EYS: variants seen among roughly 807,000 people sequenced by gnomAD.
EYS encodes protein eyes shut homolog.
In EYS, 250 loss-of-function variants were observed where a neutral mutation model predicts 282.1. The observed-to-expected ratio is 0.89, with a 90% CI of 0.80 to 0.98. The LOEUF (loss-of-function observed/expected upper bound fraction) is 0.98. EYS is among the 50% of genes least tolerant of loss of function. The pLI is 0.00. For synonymous variants in EYS, 1,355 were observed against 1,282.9 expected, an observed-to-expected ratio of 1.06 and a Z score of -1.20; for missense variants, 4,016 against 3,709.0, an observed-to-expected ratio of 1.08 and a Z score of -2.15.
At chr6:65,160,160 C>T (rs553326886) in intron 12 of EYS, among the ~76,000 whole-genome samples, 1 of 150,908 alleles carries the variant, frequency 6.6e-6, no homozygotes, top group South Asian at 2.1e-4. Flanking sequence ...TTTATGAAAG[C>T]TAACTATGGT....
intron 2 of EYS, among the ~76,000 whole-genome samples, chr6:65,513,088 T>C (rs1278175522): frequency 6.6e-6 from 1 of 151,846 alleles, no homozygotes; most frequent in East Asian, 1.9e-4. Flanking sequence ...ATAGATGCAA[T>C]AAAAAAGGAT....
At chr6:64,106,654 G>A (rs1773022835) in intron 31 of EYS, among the ~76,000 whole-genome samples, 1 of 151,900 alleles carries the variant, frequency 6.6e-6, no homozygotes, top group Admixed American at 6.6e-5. Context: ...GTCTGTGTGT[G>A]TGTTTTTGGC....
intron 12 of EYS, among the ~76,000 whole-genome samples, chr6:65,096,921 T>G (rs1191249822): frequency 6.6e-6 from 1 of 150,870 alleles, no homozygotes; most frequent in Non-Finnish European, 1.5e-5. Context: ...GAGGAAAAGC[T>G]CTTGACATTG....
At chr6:64,318,233 T>C (rs934787335) in intron 29 of EYS, among the ~76,000 whole-genome samples, 5 of 152,094 alleles carry the variant, frequency 3.3e-5, no homozygotes, top group African/African-American at 1.2e-4. Context: ...CTTACATTTC[T>C]AAATATATCT....
intron 29 of EYS, among the ~76,000 whole-genome samples, chr6:64,313,542 G>A (rs1769814409): frequency 6.6e-6 from 1 of 152,014 alleles, no homozygotes; most frequent in Admixed American, 6.5e-5. Context: ...ACACCACAAA[G>A]ATACTCCTCG....
intron 2 of EYS, among the ~76,000 whole-genome samples, chr6:65,579,290 T>C (rs1929338): frequency 0.22 from 33,774 of 152,020 alleles, 3,879 homozygotes; most frequent in East Asian, 0.31. Flanking sequence ...GGCAGCTTTA[T>C]AGACATTGAA....
intron 19 of EYS, among the ~76,000 whole-genome samples, chr6:64,832,114 A>T: frequency 6.6e-6 from 1 of 151,918 alleles, no homozygotes; most frequent in East Asian, 1.9e-4. Context: ...ATACATAATT[A>T]CTTATTATTT....
intron 30 of EYS, among the ~76,000 whole-genome samples, chr6:64,270,634 C>T (rs897279823): frequency 2.2e-4 from 33 of 152,050 alleles, no homozygotes; most frequent in Admixed American, 2.2e-3. Flanking sequence ...GATTATAGAA[C>T]TTGTAATAGC....
intron 11 of EYS, among the ~76,000 whole-genome samples, chr6:65,309,352 C>A (rs1769094421): frequency 1.3e-5 from 2 of 152,046 alleles, no homozygotes. Flanking sequence ...AATTCAAAAC[C>A]AACACTATAG....
At chr6:63,776,488 A>T (rs1770068200) in intron 40 of EYS, among the ~76,000 whole-genome samples, 1 of 152,168 alleles carries the variant, frequency 6.6e-6, no homozygotes, top group South Asian at 2.1e-4. Flanking sequence ...TAATATTGGA[A>T]TTAGGATACT....
rs191365810 is a variant in EYS at position 64,638,571 on chromosome 6, G to A, written c.3444-12326C>T. On this transcript the variant is annotated intron_variant, in intron 22 of 42. Transcript: ENST00000503581. ...TTAACATGTGTCTTTTTCATTATTT[G>A]GGAGAGTTCTAGAATGAGCAAGACA... is the stretch of plus-strand genomic sequence containing the variant. Among the ~76,000 whole-genome samples, 154 of 90,434 alleles carry A rather than the reference G, an allele frequency of 1.7e-3. 50 individuals are homozygous for A. The highest frequency in any genetic ancestry group is 6.0e-3 in the African/African-American group (142 of 23,752). 59.3% of individuals were successfully genotyped at this position (90,434 alleles called of 152,430 possible). A position where few individuals can be genotyped will look rare whatever the true frequency, so the allele number is the denominator to read the frequency against.
intron 24 of EYS, among the ~76,000 whole-genome samples, chr6:64,607,224 A>G (rs1766964024): frequency 6.6e-6 from 1 of 152,004 alleles, no homozygotes; most frequent in Admixed American, 6.6e-5. Flanking sequence ...ATAAGCTAGC[A>G]GGTGTAAAAT....
intron 30 of EYS, among the ~76,000 whole-genome samples, chr6:64,286,766 A>C (rs1184934831): frequency 6.6e-6 from 1 of 152,172 alleles, no homozygotes; most frequent in African/African-American, 2.4e-5. Context: ...TTTTTAGGGA[A>C]TAAGCCTTAA....
At chr6:65,295,096 C>A (rs1291220907) in intron 12 of EYS, among the ~76,000 whole-genome samples, 1 of 151,768 alleles carries the variant, frequency 6.6e-6, no homozygotes, top group East Asian at 1.9e-4. Context: ...ATCCAAATAA[C>A]TTTTCGAATT....
intron 22 of EYS, among the ~76,000 whole-genome samples, chr6:64,783,867 G>C (rs1583154598): frequency 6.6e-6 from 1 of 151,970 alleles, no homozygotes; most frequent in African/African-American, 2.4e-5. Flanking sequence ...CTCTGCTTTA[G>C]GAACCCTAGT....
intron 35 of EYS, among the ~76,000 whole-genome samples, chr6:63,939,371 C>G (rs1437110722): frequency 6.6e-6 from 1 of 151,882 alleles, no homozygotes; most frequent in Admixed American, 6.6e-5. Flanking sequence ...ATAAAACAAA[C>G]AAAGAAATAC....
At chr6:65,602,910 GCCTTTGCTCCACTC>G (rs1314009019) in intron 2 of EYS, among the ~76,000 whole-genome samples, 2 of 151,948 alleles carry the variant, frequency 1.3e-5, no homozygotes, top group African/African-American at 4.8e-5. Context: ...TGTCAGAGTA[GCCTTTGCTCCACTC>G]AAATATTTAG....
At chr6:64,569,947 C>T (rs1178730714) in intron 26 of EYS, among the ~76,000 whole-genome samples, 1 of 152,076 alleles carries the variant, frequency 6.6e-6, no homozygotes, top group African/African-American at 2.4e-5. Context: ...GAGAACAGCA[C>T]AAAGATACTC....
At chr6:64,152,908 G>A (rs1177964102) in intron 31 of EYS, among the ~76,000 whole-genome samples, 1 of 152,114 alleles carries the variant, frequency 6.6e-6, no homozygotes, top group Non-Finnish European at 1.5e-5. Context: ...AAACCCTATG[G>A]AGATGAGGCA....
Sources: gnomAD v4.1 joint callset for allele counts (sites outside exome capture counted in the v4.1 genomes callset) on GRCh38, gnomAD v4.1.1 for gene constraint, MANE v1.5 for transcripts, NCBI Gene and HGNC (gene_info 2026-07-23, HGNC 2026-07-21) for gene names.